ARHGAP6: variants seen among roughly 807,000 people sequenced by gnomAD.
ARHGAP6 encodes the protein Rho GTPase activating protein 6.
In ARHGAP6, 16 loss-of-function variants were observed where a neutral mutation model predicts 55.7. That is an observed-to-expected ratio of 0.29 (90% CI 0.19 to 0.44). The LOEUF is 0.44. Ranked by LOEUF, ARHGAP6 falls within the 20% of genes least tolerant of loss-of-function variation. The pLI is 1.00. For missense variants in ARHGAP6, 698 were observed against 808.9 expected (o/e 0.86, Z 1.66); for synonymous variants, 382 against 360.9 (o/e 1.06, Z -0.66).
intron 1 of ARHGAP6, among the ~76,000 whole-genome samples, chrX:11,417,059 CAT>C (rs768174897): frequency 0.042 from 1,408 of 33,196 alleles, 42 homozygotes; most frequent in Non-Finnish European, 0.047. Flanking sequence ...TGGGTGTGTA[CAT>C]ATATATATAT....
chrX:11,611,798 A>G (rs1349959689), intron 1 of ARHGAP6, among the ~76,000 whole-genome samples: 2 of 111,099 alleles, frequency 1.8e-5, no homozygotes, highest in East Asian at 5.6e-4. Context: ...CCCCCAAGTT[A>G]TAACCATTCT....
At chrX:11,505,295 A>C (rs748649475) in intron 1 of ARHGAP6, among the ~76,000 whole-genome samples, 1 of 111,740 alleles carries the variant, frequency 8.9e-6, no homozygotes, top group Non-Finnish European at 1.9e-5. Context: ...ATAACACAGA[A>C]GAACTTCAAT....
At chrX:11,436,191 A>G (rs1204802406) in intron 1 of ARHGAP6, among the ~76,000 whole-genome samples, 1 of 112,584 alleles carries the variant, frequency 8.9e-6, no homozygotes, top group African/African-American at 3.2e-5. Flanking sequence ...AAACTTAGCC[A>G]CTTGTTCCCT....
At chrX:11,426,942 C>G (rs1032001467) in intron 1 of ARHGAP6, among the ~76,000 whole-genome samples, 1 of 110,223 alleles carries the variant, frequency 9.1e-6, no homozygotes, top group East Asian at 2.8e-4. Flanking sequence ...AGAACAGAAG[C>G]CACCATAAGG....
chrX:11,427,462 C>A, intron 1 of ARHGAP6: 1 of 901,020 alleles, frequency 1.1e-6, no homozygotes. Context: ...CTGTGGGGAG[C>A]CCCGACTACC....
At chrX:11,571,586 G>A (rs2051517599) in intron 1 of ARHGAP6, among the ~76,000 whole-genome samples, 1 of 109,719 alleles carries the variant, frequency 9.1e-6, no homozygotes, top group African/African-American at 3.3e-5. Context: ...AGAAGTCAAA[G>A]GCTGGGCATG....
chrX:11,598,455 G>A (rs2051928411), intron 1 of ARHGAP6, among the ~76,000 whole-genome samples: 2 of 112,035 alleles, frequency 1.8e-5, no homozygotes, highest in African/African-American at 3.2e-5. Context: ...TGCCCTGGCA[G>A]TGAGCAAAGT....
chrX:11,420,867 A>C (rs1313513906), intron 1 of ARHGAP6, among the ~76,000 whole-genome samples: 1 of 112,221 alleles, frequency 8.9e-6, no homozygotes, highest in African/African-American at 3.2e-5. Flanking sequence ...CCCACGATTA[A>C]CACATTTGTT....
chrX:11,574,800 A>G (rs2051576476), intron 1 of ARHGAP6, among the ~76,000 whole-genome samples: 1 of 108,170 alleles, frequency 9.2e-6, no homozygotes, highest in African/African-American at 3.4e-5. Flanking sequence ...CTGTTTGCAG[A>G]TGACATGATT....
intron 1 of ARHGAP6, among the ~76,000 whole-genome samples, chrX:11,261,909 A>G (rs2047566604): frequency 1.8e-5 from 2 of 111,811 alleles, no homozygotes; most frequent in South Asian, 7.5e-4. Context: ...AAAATCAACA[A>G]CTATCTGGAT....
intron 1 of ARHGAP6, among the ~76,000 whole-genome samples, chrX:11,510,317 C>T (rs749648803): frequency 4.5e-5 from 5 of 111,181 alleles, no homozygotes; most frequent in Middle Eastern, 4.7e-3. Context: ...GTGTGATAGG[C>T]GGCACCAGTG....
At chrX:11,522,816 G>A (rs1372098946) in intron 1 of ARHGAP6, among the ~76,000 whole-genome samples, 1 of 111,708 alleles carries the variant, frequency 9.0e-6, no homozygotes, top group Non-Finnish European at 1.9e-5. Flanking sequence ...ACAAGGAGGA[G>A]CTGGTACCAT....
chrX:11,440,250 C>G (rs1450783365), intron 1 of ARHGAP6, among the ~76,000 whole-genome samples: 1 of 112,580 alleles, frequency 8.9e-6, no homozygotes, highest in African/African-American at 3.2e-5. Context: ...CAGGCTGTAA[C>G]TTCTATGTCA....
At chrX:11,340,683 C>T (rs1218349121) in intron 1 of ARHGAP6, among the ~76,000 whole-genome samples, 1 of 106,943 alleles carries the variant, frequency 9.4e-6, no homozygotes, top group Non-Finnish European at 1.9e-5. Context: ...GAGCCGAGAT[C>T]GCGCCACTGC....
chrX:11,353,696 T>C (rs1242897611), intron 1 of ARHGAP6, among the ~76,000 whole-genome samples: 2 of 109,819 alleles, frequency 1.8e-5, no homozygotes, highest in African/African-American at 6.6e-5. Flanking sequence ...AGTTTGAAAT[T>C]AGAGATGTGG....
At chrX:11,164,242 G>A (rs772292052) in intron 9 of ARHGAP6, among the ~76,000 whole-genome samples, 1 of 112,505 alleles carries the variant, frequency 8.9e-6, no homozygotes, top group South Asian at 3.7e-4. Context: ...GAGGCATCAT[G>A]CTGTAGAAAT....
At chrX:11,479,688 G>T (rs909082249) in intron 1 of ARHGAP6, among the ~76,000 whole-genome samples, 9 of 111,615 alleles carry the variant, frequency 8.1e-5, no homozygotes, top group African/African-American at 2.9e-4. Flanking sequence ...ACTGGGTTCT[G>T]CCAATTATGT....
chrX:11,631,939 G>C lies in ARHGAP6; in HGVS notation c.588+32302C>G, dbSNP rs773379229. On this transcript the variant is annotated intron_variant, in intron 1 of 12. Coordinates refer to ENST00000337414, the MANE Select transcript of ARHGAP6 (RefSeq NM_013427.3). ...GCTCACAGGATGTACAAAAATGCAT[G>C]TATGAAAGGCTGAATTGGGCTCATG... 1.4e-4 allele frequency among the ~76,000 whole-genome samples: 16 copies of C among 112,031 alleles called. No homozygotes were observed. The South Asian group carries it at 6.0e-3, about 42-fold the overall frequency.
intron 2 of ARHGAP6, among the ~76,000 whole-genome samples, chrX:11,227,971 T>C (rs192701341): frequency 9.0e-4 from 99 of 110,571 alleles, no homozygotes; most frequent in Admixed American, 2.8e-3. Flanking sequence ...GAAGAGATTG[T>C]GTACTCATTT....
Sources: allele counts gnomAD v4.1 joint callset (sites outside exome capture counted in the v4.1 genomes callset), GRCh38; gene constraint gnomAD v4.1.1; transcripts MANE v1.5; gene names NCBI Gene and HGNC (gene_info 2026-07-23, HGNC 2026-07-21).